Variants in UGT1A1 observed in about 807,000 individuals in gnomAD.
The protein encoded by UGT1A1 is UDP-glucuronosyltransferase 1A1.
Under a neutral mutation model 40.6 loss-of-function variants are expected in UGT1A1, and 33 were observed. The ratio of observed to expected loss-of-function variants is 0.81; its 90% CI spans 0.62 to 1.09. The LOEUF is 1.09. Ranked by LOEUF, UGT1A1 falls within the 50% of genes least tolerant of loss-of-function variation. The probability of loss-of-function intolerance (pLI) is 0.00; values close to 1 mark genes in which losing one functional copy is unlikely to be tolerated. For synonymous variants in UGT1A1, 249 were observed against 265.0 expected, an observed-to-expected ratio of 0.94 and a Z score of 0.59; for missense variants, 694 against 671.2, an observed-to-expected ratio of 1.03 and a Z score of -0.38.
At chr2:233,763,651 C>T (rs1168041564) in intron 1 of UGT1A1, among the ~76,000 whole-genome samples, 2 of 152,174 alleles carry the variant, frequency 1.3e-5, no homozygotes, top group Non-Finnish European at 2.9e-5. Context: ...TCTCAATACT[C>T]TTGATAAAAC....
In UGT1A1 at chr2:233,760,610, G is replaced by C; in HGVS notation, c.323G>C (p.Arg108Pro). ...NVFENDSFLQ[R>P]VIKTYKKIKK... is the part of the protein sequence containing the mutation. The stretch of plus-strand genomic sequence containing the variant: ...TTTGAGAATGATTCTTTCCTGCAGC[G>C]TGTGATCAAAACATACAAGAAAATA... Residue 108 changes from arginine to proline, a missense_variant, in exon 1 of 5, where the codon CGT becomes CCT. Coordinates refer to ENST00000305208, the MANE Select transcript of UGT1A1 (RefSeq NM_000463.3). 1.2e-6 allele frequency: 2 copies of C among 1,614,182 alleles called. No individual in the cohort carries two copies. The highest frequency in any genetic ancestry group is 1.7e-6 in the Non-Finnish European group (2 of 1,180,034).
chr2:233,762,377 A>G (rs182919265), intron 1 of UGT1A1, among the ~76,000 whole-genome samples: 1 of 152,252 alleles, frequency 6.6e-6, no homozygotes, highest in African/African-American at 2.4e-5. Context: ...ACCAATATGT[A>G]TATAGAAACA....
chr2:233,772,281 C>A lies in UGT1A1; in HGVS notation c.1324C>A (p.Arg442Ser). Residue 442 changes from arginine to serine, a missense_variant, in exon 5 of 5, where the codon CGC becomes AGC. By Grantham distance (110) the Arg-to-Ser change is moderately radical. Transcript: ENST00000305208. ...NDKSYKENIMRLSSLHKDRPV... is the reference protein window; with the variant it reads ...NDKSYKENIMSLSSLHKDRPV... ...GTTTAGTTACAAGGAGAACATCATGCGCCTCTCCAGCCTTCACAAGGACCG... is the reference window on the plus strand; with the variant it reads ...GTTTAGTTACAAGGAGAACATCATGAGCCTCTCCAGCCTTCACAAGGACCG... 6.2e-7 allele frequency: 1 copy of A among 1,614,202 alleles called. No individual in the cohort carries two copies. The highest frequency in any genetic ancestry group is 1.7e-5 in the Admixed American group (1 of 60,028).
intron 3 of UGT1A1, 53 bp from the exon 4 acceptor site, chr2:233,768,167 G>T: frequency 5.6e-6 from 9 of 1,613,612 alleles, no homozygotes; most frequent in Non-Finnish European, 7.6e-6. Context: ...GATGTGTCCA[G>T]CTGTGAAACT....
intron 1 of UGT1A1, among the ~76,000 whole-genome samples, chr2:233,765,655 G>A (rs1698901056): frequency 6.6e-6 from 1 of 151,526 alleles, no homozygotes; most frequent in African/African-American, 2.4e-5. Context: ...AATAGGTGCA[G>A]CAAACCACCA....
rs34681509 is a variant in UGT1A1 at position 233,762,717 on chromosome 2, GT to G, written c.864+1578del. On this transcript the variant is annotated intron_variant, in intron 1 of 4. Transcript: ENST00000305208. ...CATCTTTTCTTAAGTATTTTACACGGTTTTTTTTTTTTGGTCACTACTGTGA... is the reference window on the plus strand; with the variant it reads ...CATCTTTTCTTAAGTATTTTACACGGTTTTTTTTTTTGGTCACTACTGTGA... Among the ~76,000 whole-genome samples the G allele has an allele frequency of 9.0e-3, 1,271 of 141,024 alleles. 11 individuals carry two copies. The highest frequency in any genetic ancestry group is 0.017 in the Admixed American group (234 of 14,104). The allele number at this position is 141,024 out of a possible 152,430, so 92.5% of individuals were successfully genotyped here.
rs1162609742 is a variant in UGT1A1 at position 233,768,299 on chromosome 2, G to A, written c.1164G>A (p.Met388Ile). ...AAAGCATATGCAATGGCGTTCCCAT[G>A]GTGATGATGCCCTTGTTTGGTGATC... ...VYESICNGVP[M>I]VMMPLFGDQM... Residue 388 changes from methionine to isoleucine, a missense_variant, in exon 4 of 5, where the codon ATG becomes ATA. Coordinates refer to ENST00000305208, the MANE Select transcript of UGT1A1 (RefSeq NM_000463.3). The A allele has an allele frequency of 2.5e-6, 4 of 1,614,176 alleles. No individual in the cohort carries two copies. The highest frequency in any genetic ancestry group is 2.7e-5 in the African/African-American group (2 of 75,038).
At position 233,760,274 on chromosome 2, in the gene UGT1A1, G is replaced by C. The variant is rs1697379637; in HGVS notation, c.-14G>C. The stretch of plus-strand genomic sequence containing the variant: ...AGTAGGAGAGGGCGAACCTCTGGCA[G>C]GAGCAAAGGCGCCATGGCTGTGGAG... On this transcript the variant is annotated 5_prime_UTR_variant, in exon 1 of 5. Transcript: ENST00000305208. 6.2e-7 allele frequency: 1 copy of C among 1,612,450 alleles called. No individual in the cohort carries two copies. The highest frequency in any genetic ancestry group is 1.3e-5 in the African/African-American group (1 of 74,888).
chr2:233,764,498 G>T (rs1372261378), intron 1 of UGT1A1, among the ~76,000 whole-genome samples: 1 of 152,176 alleles, frequency 6.6e-6, no homozygotes, highest in East Asian at 1.9e-4. Context: ...TGGACCTGTG[G>T]GTTCAATTTT....
In UGT1A1 at chr2:233,772,242, G is replaced by A. The variant is rs762612938; in HGVS notation, c.1305-20G>A. ...ATACCACAGGTGTTCCAGGCATAAC[G>A]AAACTGTCTTTGTGTTTAGTTACAA... On this transcript the variant is annotated intron_variant, in intron 4 of 4. Transcript: ENST00000305208. 5.6e-6 allele frequency: 9 copies of A among 1,614,002 alleles called. No individual in the cohort carries two copies. Among genetic ancestry groups the A allele is most frequent in the East Asian group, 4.5e-5 (2 of 44,900 alleles).
Position 233,768,272 on chromosome 2 carries a change from T to C in UGT1A1, c.1137T>C (p.Tyr379=). Residue 379 remains tyrosine, a synonymous_variant, in exon 4 of 5, where the codon TAT becomes TAC. Transcript: ENST00000305208. ...FITHAGSHGV[Y]ESICNGVPMV... ...CCCATGCTGGTTCCCATGGTGTTTATGAAAGCATATGCAATGGCGTTCCCA... is the reference window on the plus strand; with the variant it reads ...CCCATGCTGGTTCCCATGGTGTTTACGAAAGCATATGCAATGGCGTTCCCA... 1 of 1,614,214 alleles carries C rather than the reference T, an allele frequency of 6.2e-7. No homozygotes were observed. The highest frequency in any genetic ancestry group is 2.2e-5 in the East Asian group (1 of 44,870).
chr2:233,771,824 C>T (rs981905786), intron 4 of UGT1A1, among the ~76,000 whole-genome samples: 9 of 144,512 alleles, frequency 6.2e-5, no homozygotes, highest in Non-Finnish European at 1.4e-4. Context: ...TCCTTGCTTC[C>T]TTCCCTCCTT....
At position 233,760,441 on chromosome 2, in the gene UGT1A1, C is replaced by T. The variant is rs2125984132; in HGVS notation, c.154C>T (p.Gln52Ter). 1.2e-6 allele frequency: 2 copies of T among 1,614,208 alleles called. No homozygotes were observed. The highest frequency in any genetic ancestry group is 1.7e-6 in the Non-Finnish European group (2 of 1,180,046). The change falls in exon 1 of 5, where the codon CAG becomes TAG. Residue 52 changes from glutamine to a stop codon, truncating the protein, a stop_gained. Transcript: ENST00000305208. LOFTEE classifies it high-confidence loss of function. ...SMLGAIQQLQ[Q>*]RGHEIVVLAP... is the part of the protein sequence containing the mutation. ...GCTTGGGGCCATCCAGCAGCTGCAG[C>T]AGAGGGGACATGAAATAGTTGTCCT...
intron 1 of UGT1A1, among the ~76,000 whole-genome samples, chr2:233,766,269 TCGGTGGCCC>T (rs2126023765): frequency 2.9e-5 from 2 of 67,956 alleles, no homozygotes; most frequent in East Asian, 5.0e-4. Flanking sequence ...TGGCCCGGGC[TCGGTGGCCC>T]GGGCTCGGTG....
Position 233,769,314 on chromosome 2 carries a change from T to A in UGT1A1, c.1304+875T>A, listed in dbSNP as rs551966060. Among the ~76,000 whole-genome samples, 1 of 152,360 alleles carries A rather than the reference T, an allele frequency of 6.6e-6. No individual in the cohort carries two copies. The highest frequency in any genetic ancestry group is 2.1e-4 in the South Asian group (1 of 4,826). ...TAAAGTTAGTATATTACTGTCAAGC[T>A]CACTGGTAATAGGCTTATTAGAACC... is the stretch of plus-strand genomic sequence containing the variant. On this transcript the variant is annotated intron_variant, in intron 4 of 4. Coordinates refer to ENST00000305208, the MANE Select transcript of UGT1A1 (RefSeq NM_000463.3). This position sits in a 1 kb window ranked among gnomAD's most constrained non-coding sequence, Gnocchi z 4.4.
intron 1 of UGT1A1, among the ~76,000 whole-genome samples, chr2:233,763,677 A>G (rs934617457): frequency 6.6e-6 from 1 of 152,232 alleles, no homozygotes; most frequent in Non-Finnish European, 1.5e-5. Flanking sequence ...AACTTTAAGA[A>G]TAAAGATAAA....
At chr2:233,765,400 T>G (rs1698825297) in intron 1 of UGT1A1, among the ~76,000 whole-genome samples, 1 of 152,170 alleles carries the variant, frequency 6.6e-6, no homozygotes, top group Admixed American at 6.5e-5. Context: ...ATGTGGTACA[T>G]ATACACCATG....
Position 233,760,927 on chromosome 2 carries a change from C to T in UGT1A1, c.640C>T (p.Leu214Phe), listed in dbSNP as rs1225128510. ...MTFLQRVKNM[L>F]IAFSQNFLCD... ...CTTCCTGCAGCGGGTGAAGAACATGCTCATTGCCTTTTCACAGAACTTTCT... is the reference window on the plus strand; with the variant it reads ...CTTCCTGCAGCGGGTGAAGAACATGTTCATTGCCTTTTCACAGAACTTTCT... Residue 214 changes from leucine (L) to phenylalanine (F), a missense_variant, in exon 1 of 5, where the codon CTC becomes TTC. Transcript: ENST00000305208. The T allele has an allele frequency of 1.9e-6, 3 of 1,614,216 alleles. No individual in the cohort carries two copies. The highest frequency in any genetic ancestry group is 2.5e-6 in the Non-Finnish European group (3 of 1,180,050).
chr2:233,769,689 T>C lies in UGT1A1; in HGVS notation c.1304+1250T>C. On this transcript the variant is annotated intron_variant, in intron 4 of 4. Transcript: ENST00000305208. This position sits in a 1 kb window ranked among gnomAD's most constrained non-coding sequence, Gnocchi z 4.4. ...GGTGCTAATGTGTGTGTGGTGGCAC[T>C]GGATAAAAGATCAATGTTGGCTAGG... 6.5e-7 allele frequency: 1 copy of C among 1,550,140 alleles called. No homozygotes were observed. Among genetic ancestry groups the C allele is most frequent in the Non-Finnish European group, 8.7e-7 (1 of 1,147,494 alleles).
Sources: allele counts gnomAD v4.1 joint callset (sites outside exome capture counted in the v4.1 genomes callset), GRCh38; gene constraint gnomAD v4.1.1; non-coding constraint Gnocchi (gnomAD v3.1); transcripts MANE v1.5; gene names NCBI Gene and HGNC (gene_info 2026-07-23, HGNC 2026-07-21).